KIAA1328: variants seen among roughly 807,000 people sequenced by gnomAD.
KIAA1328 encodes the protein KIAA1328, also known as protein hinderin.
A neutral mutation model predicts 68.1 loss-of-function variants in KIAA1328; 52 were observed. The ratio of observed to expected loss-of-function variants is 0.76; its 90% CI spans 0.61 to 0.96. The LOEUF (loss-of-function observed/expected upper bound fraction) is 0.96, where lower values mean the gene tolerates loss of function less well. Ranked by LOEUF, KIAA1328 falls within the 40% of genes least tolerant of loss-of-function variation. The pLI is 0.00. For synonymous variants in KIAA1328, 232 were observed against 239.4 expected (o/e 0.97, Z 0.28); for missense variants, 641 against 677.6 (o/e 0.95, Z 0.60).
At chr18:37,084,260 G>T in intron 7 of KIAA1328, 1 of 1,275,578 alleles carries the variant, frequency 7.8e-7, no homozygotes. Context: ...GTTAAAACAA[G>T]AATCTTAAGG....
intron 9 of KIAA1328, among the ~76,000 whole-genome samples, chr18:37,199,646 T>C (rs2060070449): frequency 1.3e-5 from 2 of 152,170 alleles, no homozygotes; most frequent in African/African-American, 4.8e-5. Flanking sequence ...ATATTTCTGT[T>C]TCTAGGTCTT....
intron 9 of KIAA1328, among the ~76,000 whole-genome samples, chr18:37,208,346 C>A (rs1019233602): frequency 3.3e-5 from 5 of 152,050 alleles, no homozygotes; most frequent in African/African-American, 9.7e-5. Flanking sequence ...ATGACAAGTT[C>A]TAGGATAGGA....
At chr18:36,834,496 G>T (rs915337494) in intron 2 of KIAA1328, 141 bp downstream of exon 2, 4 of 635,672 alleles carry the variant, frequency 6.3e-6, no homozygotes, top group African/African-American at 3.8e-5. Flanking sequence ...TGTTTTTTTT[G>T]AATATTTGTC....
chr18:37,074,313 C>G (rs2056635691), intron 7 of KIAA1328, among the ~76,000 whole-genome samples: 1 of 152,122 alleles, frequency 6.6e-6, no homozygotes. Flanking sequence ...TTTTCTGCCC[C>G]TGTTTCTCAC....
intron 4 of KIAA1328, among the ~76,000 whole-genome samples, chr18:36,856,322 A>G (rs1360697483): frequency 1.3e-5 from 2 of 151,896 alleles, no homozygotes; most frequent in Non-Finnish European, 2.9e-5. Flanking sequence ...GCATGTTGAT[A>G]CCCTCGATGT....
At chr18:36,834,898 G>A (rs1033723804) in intron 2 of KIAA1328, among the ~76,000 whole-genome samples, 3 of 152,210 alleles carry the variant, frequency 2.0e-5, no homozygotes, top group Admixed American at 6.5e-5. Context: ...GCTGGATGTG[G>A]TTGCTTGATC....
In KIAA1328 at chr18:37,048,399, A is replaced by T. The variant is rs543289929; in HGVS notation, c.577-18491A>T. Among the ~76,000 whole-genome samples, 3 of 152,134 alleles carry T rather than the reference A, an allele frequency of 2.0e-5. No homozygotes were observed. In the South Asian group the frequency reaches 6.2e-4, roughly 32 times the overall value. ...TATGATGTGAGAGTCACTTACGTTA[A>T]GGCTGATTTTTTTTTTTAACAACTC... On this transcript the variant is annotated intron_variant, in intron 6 of 9. Transcript: ENST00000280020.
chr18:37,159,731 C>G (rs1019441782), intron 7 of KIAA1328, among the ~76,000 whole-genome samples: 3 of 152,146 alleles, frequency 2.0e-5, no homozygotes, highest in Non-Finnish European at 4.4e-5. Context: ...TGTTACACTA[C>G]TCCTTACGTA....
chr18:36,950,808 A>C (rs772667302), intron 5 of KIAA1328, among the ~76,000 whole-genome samples: 40 of 152,226 alleles, frequency 2.6e-4, no homozygotes, highest in Non-Finnish European at 8.8e-5. Context: ...AGTTGGAGCC[A>C]GATGGCCTTA....
At chr18:36,954,235 C>T (rs2051305654) in intron 5 of KIAA1328, among the ~76,000 whole-genome samples, 1 of 152,008 alleles carries the variant, frequency 6.6e-6, no homozygotes, top group African/African-American at 2.4e-5. Flanking sequence ...ATCTCCTGAC[C>T]TCGTGATCCA....
intron 6 of KIAA1328, among the ~76,000 whole-genome samples, chr18:37,047,419 A>T (rs951590953): frequency 1.3e-5 from 2 of 152,140 alleles, no homozygotes; most frequent in African/African-American, 4.8e-5. Context: ...AACTTCTTCC[A>T]TGGCACTGAC....
intron 9 of KIAA1328, among the ~76,000 whole-genome samples, chr18:37,219,880 G>T (rs2060524225): frequency 6.6e-6 from 1 of 151,332 alleles, no homozygotes; most frequent in Non-Finnish European, 1.5e-5. Flanking sequence ...TACCTCAGCT[G>T]GAAATGCAGA....
chr18:37,184,405 C>T (rs1037834706), intron 9 of KIAA1328, among the ~76,000 whole-genome samples: 8 of 152,294 alleles, frequency 5.3e-5, no homozygotes, highest in East Asian at 1.9e-4. Context: ...TAGACAATGT[C>T]GGTATCAATG....
At chr18:36,901,310 T>G (rs1049183718) in intron 5 of KIAA1328, among the ~76,000 whole-genome samples, 1 of 152,048 alleles carries the variant, frequency 6.6e-6, no homozygotes, top group Non-Finnish European at 1.5e-5. Context: ...AAATTATGAG[T>G]CACTTGGTGG....
At chr18:36,903,682 G>A (rs937251927) in intron 5 of KIAA1328, 4 of 152,156 alleles carry the variant, frequency 2.6e-5, no homozygotes, top group African/African-American at 7.2e-5. Context: ...CAGGTTTACT[G>A]TGGAGACTAA....
chr18:37,225,096 CT>C lies in KIAA1328; in HGVS notation c.*2871del. 1 of 985,460 alleles carries C rather than the reference CT, an allele frequency of 1.0e-6. No homozygotes were observed. Among genetic ancestry groups the C allele is most frequent in the Non-Finnish European group, 1.2e-6 (1 of 829,966 alleles). 61.0% of individuals were successfully genotyped at this position (985,460 alleles called of 1,614,324 possible). On this transcript the variant is annotated 3_prime_UTR_variant, in exon 10 of 10. Transcript: ENST00000280020. ...TCTGCTCCCTCAGAGCTACTCTTCA[CT>C]TGTCCCTGCTTCCGGCACCAAGTTC...
chr18:36,933,146 A>G (rs1490583243), intron 5 of KIAA1328, among the ~76,000 whole-genome samples: 1 of 152,178 alleles, frequency 6.6e-6, no homozygotes, highest in East Asian at 1.9e-4. Flanking sequence ...AACAAATAAC[A>G]AATACATTGA....
downstream of KIAA1328, among the ~76,000 whole-genome samples, chr18:37,227,995 G>T (rs2060648279): frequency 6.6e-6 from 1 of 152,114 alleles, no homozygotes. Context: ...ACAGGAGTTT[G>T]GAAGAAGTTG....
At chr18:36,909,056 A>G (rs1313414395) in intron 5 of KIAA1328, among the ~76,000 whole-genome samples, 2 of 152,146 alleles carry the variant, frequency 1.3e-5, no homozygotes, top group Admixed American at 1.3e-4. Context: ...TTGAAGATTC[A>G]TATATTTACC....
Sources: gnomAD v4.1 joint callset for allele counts (sites outside exome capture counted in the v4.1 genomes callset) on GRCh38, gnomAD v4.1.1 for gene constraint, MANE v1.5 for transcripts, NCBI Gene and HGNC (gene_info 2026-07-23, HGNC 2026-07-21) for gene names.